The following RAB11FIP3 variants were observed in gnomAD, a reference collection of about 807,000 sequenced individuals.
The protein encoded by RAB11FIP3 is RAB11 family interacting protein 3, also known as rab11 family-interacting protein 3.
A neutral mutation model predicts 77.8 loss-of-function variants in RAB11FIP3; 17 were observed. That is an observed-to-expected ratio of 0.22 (90% CI 0.15 to 0.33). RAB11FIP3 has a LOEUF of 0.33. Ranked by LOEUF, RAB11FIP3 falls within the 10% of genes least tolerant of loss-of-function variation. RAB11FIP3 has a pLI of 1.00. For synonymous variants in RAB11FIP3, 437 were observed against 448.2 expected, an observed-to-expected ratio of 0.98 and a Z score of 0.31; for missense variants, 1,005 against 1,011.2, an observed-to-expected ratio of 0.99 and a Z score of 0.08.
chr16:430,495 T>C (rs2055018939), intron 1 of RAB11FIP3, among the ~76,000 whole-genome samples: 1 of 152,114 alleles, frequency 6.6e-6, no homozygotes, highest in Non-Finnish European at 1.5e-5. Flanking sequence ...CCCTACGTTT[T>C]TTTATTCCTG....
intron 9 of RAB11FIP3, among the ~76,000 whole-genome samples, chr16:512,243 G>T (rs986256164): frequency 4.6e-5 from 7 of 150,858 alleles, no homozygotes; most frequent in Non-Finnish European, 8.9e-5. Flanking sequence ...TTTTTTGGGT[G>T]GGGGTGGGTG....
intron 4 of RAB11FIP3, among the ~76,000 whole-genome samples, chr16:485,627 G>C (rs977859357): frequency 6.6e-6 from 1 of 152,168 alleles, no homozygotes; most frequent in Non-Finnish European, 1.5e-5. Context: ...TGCCCAGGCT[G>C]GTCTCGAACT....
In RAB11FIP3 at chr16:428,405, G is replaced by C. The variant is rs180815330; in HGVS notation, c.714+1685G>C. Among the ~76,000 whole-genome samples, 648 of 152,270 alleles carry C rather than the reference G, an allele frequency of 4.3e-3. 4 individuals carry two copies. Among genetic ancestry groups the C allele is most frequent in the Admixed American group, 9.0e-3 (138 of 15,294 alleles). ...CCTTGAGCTCCCTTGGTTGCTGTTG[G>C]CTACTGCGCTGTCTCTTCTCCCAAA... On this transcript the variant is annotated intron_variant, in intron 1 of 13. Transcript: ENST00000262305.
chr16:430,738 G>T (rs768164820), intron 1 of RAB11FIP3, among the ~76,000 whole-genome samples: 11 of 152,178 alleles, frequency 7.2e-5, no homozygotes, highest in Non-Finnish European at 1.5e-4. Flanking sequence ...AAAATTGGCT[G>T]GGTGCAGTGG....
chr16:461,452 A>G lies in RAB11FIP3; in HGVS notation c.763A>G (p.Ser255Gly), dbSNP rs1303532396. 1.2e-6 allele frequency: 2 copies of G among 1,614,024 alleles called. No homozygotes were observed. The highest frequency in any genetic ancestry group is 1.7e-5 in the Admixed American group (1 of 60,000). The change falls in exon 2 of 14, where the codon AGC becomes GGC. Residue 255 changes from serine to glycine, a missense_variant. Ser to Gly is a moderately conservative substitution (Grantham distance 56, BLOSUM62 0). Around this residue, in one of 4 missense-constraint regions of RAB11FIP3, gnomAD observed 466 missense variants for 408.3 expected, o/e 1.14. Coordinates refer to ENST00000262305, the MANE Select transcript of RAB11FIP3 (RefSeq NM_014700.4). The surrounding 1 kb of genome is among the most constrained non-coding windows in gnomAD (Gnocchi z 4.5). ...YLDPSGLGVI[S>G]FEDFYQGITA... ...GGATCCCAGTGGGCTCGGCGTGATC[A>G]GCTTTGAAGACTTCTACCAAGGGAT...
chr16:516,553 C>T (rs1411943220), intron 9 of RAB11FIP3, among the ~76,000 whole-genome samples: 1 of 152,192 alleles, frequency 6.6e-6, no homozygotes, highest in East Asian at 1.9e-4. Flanking sequence ...GTGCGTGAGT[C>T]CATATGACAC....
Position 426,684 on chromosome 16 carries a change from C to T in RAB11FIP3, c.678C>T (p.Asp226=), listed in dbSNP as rs2054951477. 1 of 1,534,924 alleles carries T rather than the reference C, an allele frequency of 6.5e-7. No individual in the cohort carries two copies. The highest frequency in any genetic ancestry group is 8.8e-7 in the Non-Finnish European group (1 of 1,140,772). Residue 226 remains aspartate (D), a synonymous_variant, in exon 1 of 14, where the codon GAC becomes GAT. Coordinates refer to ENST00000262305, the MANE Select transcript of RAB11FIP3 (RefSeq NM_014700.4). The surrounding 1 kb of genome is among the most constrained non-coding windows in gnomAD (Gnocchi z 5.0). ...GDGDGFVRIE[D]FIQFATVYGA... ...GGGACGGTTTCGTCCGCATCGAGGACTTCATCCAGTTTGCTACGGTCTACG... is the reference window on the plus strand; with the variant it reads ...GGGACGGTTTCGTCCGCATCGAGGATTTCATCCAGTTTGCTACGGTCTACG...
intron 9 of RAB11FIP3, among the ~76,000 whole-genome samples, chr16:512,868 CAG>C (rs2032248916): frequency 1.3e-5 from 2 of 152,018 alleles, no homozygotes; most frequent in African/African-American, 4.8e-5. Flanking sequence ...TAAATAGAGA[CAG>C]GGGTTCTTGC....
rs56228402 is a variant in RAB11FIP3 at position 480,286 on chromosome 16, C to CAAAAAAAAAAAAAAAAAAAA, written c.904-2238_904-2219dup. ...GGCAGGAAGAGTAAAACTCCTTCTC[C>CAAAAAAAAAAAAAAAAAAAA]AAAAAAAAAAAAAAAAAAAAGTTGA... On this transcript the variant is annotated intron_variant, in intron 3 of 13. Coordinates refer to ENST00000262305, the MANE Select transcript of RAB11FIP3 (RefSeq NM_014700.4). 4.0e-4 allele frequency among the ~76,000 whole-genome samples: 32 copies of CAAAAAAAAAAAAAAAAAAAA among 80,008 alleles called. 1 individual carries two copies. The highest frequency in any genetic ancestry group is 1.5e-3 in the African/African-American group (31 of 20,746). The allele number at this position is 80,008 out of a possible 152,430, so 52.5% of individuals were successfully genotyped here. A position where few individuals can be genotyped will look rare whatever the true frequency, so the allele number is the denominator to read the frequency against.
chr16:460,168 G>A (rs551874661), intron 1 of RAB11FIP3, among the ~76,000 whole-genome samples: 7 of 152,158 alleles, frequency 4.6e-5, no homozygotes, highest in South Asian at 2.1e-4. Context: ...GTGAGCCACC[G>A]CACCTGGCCT....
intron 3 of RAB11FIP3, among the ~76,000 whole-genome samples, chr16:481,797 C>T (rs2056047041): frequency 3.4e-5 from 1 of 29,156 alleles, no homozygotes. Flanking sequence ...CAAGCTCCTC[C>T]GTCAGTCTCT....
At chr16:467,802 G>A in intron 2 of RAB11FIP3, among the ~76,000 whole-genome samples, 1 of 68,608 alleles carries the variant, frequency 1.5e-5, no homozygotes, top group African/African-American at 6.3e-5. Context: ...CAGGGAGGAG[G>A]TGCTGGGACG....
intron 1 of RAB11FIP3, among the ~76,000 whole-genome samples, chr16:435,113 G>A (rs1289134661): frequency 6.6e-6 from 1 of 151,850 alleles, no homozygotes; most frequent in African/African-American, 2.4e-5. Flanking sequence ...GCTGAGGCAG[G>A]AGAATTGCTT....
At chr16:473,022 A>G (rs1280177874) in intron 3 of RAB11FIP3, among the ~76,000 whole-genome samples, 1 of 152,196 alleles carries the variant, frequency 6.6e-6, no homozygotes, top group African/African-American at 2.4e-5. Flanking sequence ...AGCCTTAGGC[A>G]GGAGCCAGCC....
rs773530334 is a variant in RAB11FIP3, at chr16:461,415, A to T, written c.726A>T (p.Leu242Phe). The T allele has an allele frequency of 6.2e-7, 1 of 1,613,756 alleles. No homozygotes were observed. Among genetic ancestry groups the T allele is most frequent in the Non-Finnish European group, 8.5e-7 (1 of 1,179,816 alleles). The change falls in exon 2 of 14, where the codon TTA (leucine) becomes TTT (phenylalanine). Residue 242 changes from leucine to phenylalanine, a missense_variant. By Grantham distance (22) the Leu-to-Phe change is conservative. This residue lies in a region of RAB11FIP3 where 466 missense variants were observed against 408.3 expected (regional missense o/e 1.14). Transcript: ENST00000262305. The surrounding 1 kb of genome is among the most constrained non-coding windows in gnomAD (Gnocchi z 4.5). ...TVYGAEQVKD[L>F]TKYLDPSGLG... The stretch of plus-strand genomic sequence containing the variant: ...TTTGGCAATTACAGGTGAAGGACTT[A>T]ACTAAGTACTTGGATCCCAGTGGGC...
At chr16:463,125 T>C (rs1026532351) in intron 2 of RAB11FIP3, among the ~76,000 whole-genome samples, 4 of 152,286 alleles carry the variant, frequency 2.6e-5, no homozygotes, top group Middle Eastern at 3.4e-3. Flanking sequence ...TACTATACAC[T>C]GTCCGTCTTA....
intron 3 of RAB11FIP3, chr16:477,606 A>AGTGGGCC: frequency 1.0e-6 from 1 of 985,260 alleles, no homozygotes; most frequent in Non-Finnish European, 1.2e-6. Flanking sequence ...CCCTGTCCTG[A>AGTGGGCC]GTGGGCCCTG....
intron 1 of RAB11FIP3, among the ~76,000 whole-genome samples, chr16:434,557 G>C (rs1286353591): frequency 6.6e-6 from 1 of 152,156 alleles, no homozygotes; most frequent in African/African-American, 2.4e-5. Flanking sequence ...CTCCCAGGTA[G>C]CTGGGACTAC....
At chr16:488,691 G>C (rs1483909500) in intron 4 of RAB11FIP3, among the ~76,000 whole-genome samples, 160 bp from the exon 5 acceptor site, 1 of 150,724 alleles carries the variant, frequency 6.6e-6, no homozygotes, top group East Asian at 1.9e-4. Flanking sequence ...TTACATGTGT[G>C]AGCCACCGCA....
Sources: gnomAD v4.1 joint callset for allele counts (sites outside exome capture counted in the v4.1 genomes callset) on GRCh38, gnomAD v4.1.1 for gene constraint, gnomAD v4.1.1 regional missense constraint, Gnocchi (gnomAD v3.1) non-coding constraint, MANE v1.5 for transcripts, NCBI Gene and HGNC (gene_info 2026-07-23, HGNC 2026-07-21) for gene names.